Variants in ATRN observed in about 807,000 individuals in gnomAD.
ATRN encodes the protein attractin, also known as attractin-2.
Under a neutral mutation model 178.7 loss-of-function variants are expected in ATRN, and 54 were observed. That is an observed-to-expected ratio of 0.30 (90% CI 0.24 to 0.38). The LOEUF is 0.38. Among genes scored for constraint, ATRN ranks in the 10% least tolerant of loss-of-function variants. The pLI, the probability that ATRN is intolerant of heterozygous loss-of-function variation, is 1.00. For synonymous variants in ATRN, 636 were observed against 663.0 expected (o/e 0.96, Z 0.63); for missense variants, 1,443 against 1,815.1 (o/e 0.79, Z 3.73).
chr20:3,521,763 T>G (rs779982585), intron 1 of ATRN, among the ~76,000 whole-genome samples: 2 of 152,074 alleles, frequency 1.3e-5, no homozygotes, highest in Non-Finnish European at 2.9e-5. Flanking sequence ...CTCAATACAT[T>G]TAAAAGATTT....
chr20:3,517,863 C>T (rs1352964769), intron 1 of ATRN, among the ~76,000 whole-genome samples: 1 of 151,976 alleles, frequency 6.6e-6, no homozygotes, highest in Non-Finnish European at 1.5e-5. Flanking sequence ...CCCTGGAGCC[C>T]CAGGAGTCTT....
chr20:3,536,993 G>T (rs2085542441), intron 2 of ATRN, among the ~76,000 whole-genome samples: 1 of 152,138 alleles, frequency 6.6e-6, no homozygotes, highest in African/African-American at 2.4e-5. Flanking sequence ...TGGTTTTCTT[G>T]CACTGAATGG....
At chr20:3,626,066 T>C (rs983521926) in intron 25 of ATRN, among the ~76,000 whole-genome samples, 2 of 151,982 alleles carry the variant, frequency 1.3e-5, no homozygotes, top group African/African-American at 4.8e-5. Context: ...ACCTTGTCTC[T>C]ACAAAAAATA....
chr20:3,507,053 G>GT (rs1042386520), intron 1 of ATRN, among the ~76,000 whole-genome samples: 552 of 138,412 alleles, frequency 4.0e-3, no homozygotes, highest in Middle Eastern at 7.4e-3. Context: ...GGGAGGTTTT[G>GT]TTTTTTTTTT....
rs1365615009 is a variant in ATRN, at chr20:3,489,775, C to T, written c.410+18258C>T. ...TATTCAGCAAAGTGTCACTGGAAGG[C>T]TTTGCGCCCTTGGTAGGTGTAGTTT... On this transcript the variant is annotated intron_variant, in intron 1 of 28. Coordinates refer to ENST00000262919, the MANE Select transcript of ATRN (RefSeq NM_139321.3). 17 of 1,370,996 alleles carry T rather than the reference C, an allele frequency of 1.2e-5. No homozygotes were observed. The East Asian group carries it at 3.7e-4, about 30-fold the overall frequency. The allele number at this position is 1,370,996 out of a possible 1,614,324, so 84.9% of individuals were successfully genotyped here.
At chr20:3,546,031 C>A in intron 4 of ATRN, 141 bp downstream of exon 4, 1 of 966,386 alleles carries the variant, frequency 1.0e-6, no homozygotes, top group Non-Finnish European at 1.5e-6. Context: ...AAAATTCTTC[C>A]ATAAATTCAG....
chr20:3,482,860 C>G (rs1189008793), intron 1 of ATRN, among the ~76,000 whole-genome samples: 1 of 152,148 alleles, frequency 6.6e-6, no homozygotes, highest in East Asian at 1.9e-4. Flanking sequence ...AGTCTCTGAA[C>G]TAACTATAAC....
At chr20:3,482,839 A>T (rs1182655702) in intron 1 of ATRN, among the ~76,000 whole-genome samples, 2 of 152,230 alleles carry the variant, frequency 1.3e-5, no homozygotes, top group African/African-American at 4.8e-5. Flanking sequence ...TGATATGTTT[A>T]GTGCTGGTTC....
At chr20:3,621,547 G>A (rs235520) in intron 24 of ATRN, among the ~76,000 whole-genome samples, 2,756 of 152,284 alleles carry the variant, frequency 0.018, 84 homozygotes, top group African/African-American at 0.063. Context: ...GTTTCTTGGA[G>A]TGTGGAGTAT....
intron 1 of ATRN, among the ~76,000 whole-genome samples, chr20:3,500,475 G>A (rs1036761273): frequency 1.5e-4 from 22 of 151,634 alleles, no homozygotes; most frequent in Non-Finnish European, 2.7e-4. Flanking sequence ...AGAAAATGTG[G>A]CACATATACA....
intron 18 of ATRN, among the ~76,000 whole-genome samples, chr20:3,589,120 C>CT (rs2086402365): frequency 6.6e-6 from 1 of 151,082 alleles, no homozygotes; most frequent in Non-Finnish European, 1.5e-5. Context: ...GTAGCTGGGA[C>CT]TACAGGCGCA....
chr20:3,487,619 T>C (rs2146081509), intron 1 of ATRN, among the ~76,000 whole-genome samples: 1 of 152,352 alleles, frequency 6.6e-6, no homozygotes, highest in African/African-American at 2.4e-5. Flanking sequence ...AAAATTTGAG[T>C]TCCTCTTCAG....
chr20:3,554,342 T>TTTATTTAG (rs2085833771), intron 6 of ATRN, among the ~76,000 whole-genome samples: 1 of 150,412 alleles, frequency 6.6e-6, no homozygotes, highest in Non-Finnish European at 1.5e-5. Flanking sequence ...TATTTATTTA[T>TTTATTTAG]TTATTTATTT....
chr20:3,622,842 A>C (rs1283126366), intron 24 of ATRN, among the ~76,000 whole-genome samples: 2 of 152,216 alleles, frequency 1.3e-5, no homozygotes, highest in Non-Finnish European at 2.9e-5. Context: ...ATGAACATGG[A>C]GTGGTCCTGC....
Position 3,572,810 on chromosome 20 carries a change from C to T in ATRN, c.1951C>T (p.His651Tyr). 2 of 1,614,020 alleles carry T rather than the reference C, an allele frequency of 1.2e-6. No individual in the cohort carries two copies. Among genetic ancestry groups the T allele is most frequent in the Non-Finnish European group, 1.7e-6 (2 of 1,180,020 alleles). Residue 651 changes from histidine (H) to tyrosine (Y), a missense_variant, in exon 12 of 29, where the codon CAT (histidine) becomes TAT (tyrosine). Physicochemically the swap from His to Tyr is moderately conservative, Grantham distance 83. This residue lies in a region of ATRN where 862 missense variants were observed against 972.1 expected (regional missense o/e 0.89). Coordinates refer to ENST00000262919, the MANE Select transcript of ATRN (RefSeq NM_139321.3). ...LVFTSEQCDA[H>Y]RSEAACLAAG... The stretch of plus-strand genomic sequence containing the variant: ...ATTCACCTCGGAACAGTGTGATGCG[C>T]ATCGGAGTGAAGCCGCTTGTTTAGC...
At position 3,486,257 on chromosome 20, in the gene ATRN, TAGCCAGTC is replaced by T. The variant is rs1414199331; in HGVS notation, c.410+14741_410+14748del. Reference sequence around the variant, plus strand: ...CACCAGCTTCAACATTTGCAACTCATAGCCAGTCTTTTTCACTTTTACCACTGCCCCAT... The same window carrying T: ...CACCAGCTTCAACATTTGCAACTCATTTTTTCACTTTTACCACTGCCCCAT... On this transcript the variant is annotated intron_variant, in intron 1 of 28. Transcript: ENST00000262919. 2.4e-3 allele frequency among the ~76,000 whole-genome samples: 365 copies of T among 152,258 alleles called. 1 individual carries two copies. Among genetic ancestry groups the T allele is most frequent in the African/African-American group, 8.4e-3 (351 of 41,546 alleles).
chr20:3,640,919 T>C (rs1409660754), intron 27 of ATRN, among the ~76,000 whole-genome samples: 1 of 152,228 alleles, frequency 6.6e-6, no homozygotes, highest in Non-Finnish European at 1.5e-5. Flanking sequence ...CAATGGAATG[T>C]TATCCAGCCT....
chr20:3,508,947 A>G (rs758649389), intron 1 of ATRN, among the ~76,000 whole-genome samples: 2 of 152,168 alleles, frequency 1.3e-5, no homozygotes, highest in Non-Finnish European at 2.9e-5. Flanking sequence ...GGTAATCACT[A>G]ATAGTAGTAA....
chr20:3,512,308 C>G (rs929333733), intron 1 of ATRN, among the ~76,000 whole-genome samples: 3 of 144,252 alleles, frequency 2.1e-5, no homozygotes, highest in Admixed American at 7.0e-5. Flanking sequence ...CTTCCTGTGT[C>G]CAGGTGTTCT....
Sources: gnomAD v4.1 joint callset for allele counts (sites outside exome capture counted in the v4.1 genomes callset) on GRCh38, gnomAD v4.1.1 for gene constraint, gnomAD v4.1.1 regional missense constraint, MANE v1.5 for transcripts, NCBI Gene and HGNC (gene_info 2026-07-23, HGNC 2026-07-21) for gene names.